CKAP5: variants seen among roughly 807,000 people sequenced by gnomAD.
CKAP5 encodes the protein cytoskeleton associated protein 5, also known as cytoskeleton-associated protein 5.
A neutral mutation model predicts 232.8 loss-of-function variants in CKAP5; 27 were observed. The observed-to-expected ratio is 0.12, with a 90% CI of 0.09 to 0.16. The LOEUF (loss-of-function observed/expected upper bound fraction) is 0.16, where lower values mean the gene tolerates loss of function less well. Among genes scored for constraint, CKAP5 ranks in the 10% least tolerant of loss-of-function variants. CKAP5 has a pLI of 1.00. For synonymous variants in CKAP5, 785 were observed against 841.1 expected, an observed-to-expected ratio of 0.93 and a Z score of 1.16; for missense variants, 1,838 against 2,424.7, an observed-to-expected ratio of 0.76 and a Z score of 5.08.
At chr11:46,831,020 G>A (rs542163118) in intron 1 of CKAP5, among the ~76,000 whole-genome samples, 32 of 152,138 alleles carry the variant, frequency 2.1e-4, no homozygotes, top group Non-Finnish European at 3.5e-4. Context: ...AGCCGAGATC[G>A]CGTCACTGCA....
chr11:46,759,269 T>A lies in CKAP5; in HGVS notation c.4568A>T (p.Lys1523Met). 1 of 1,611,748 alleles carries A rather than the reference T, an allele frequency of 6.2e-7. No homozygotes were observed. The highest frequency in any genetic ancestry group is 8.5e-7 in the Non-Finnish European group (1 of 1,179,044). ...IFEPVLIPEP[K>M]IRAVSPHFDD... ...ATTTAAATGAAAGAGTTTAACTCAC[T>A]TGGGTTCAGGAATAAGGACTGGCTC... The change falls in exon 34 of 44, where the codon AAG (lysine) becomes ATG (methionine). Residue 1523 changes from lysine (K) to methionine (M), a missense_variant and splice_region_variant. Physicochemically the swap from Lys to Met is moderately conservative, Grantham distance 95. This residue lies in a region of CKAP5 where 579 missense variants were observed against 843.2 expected (regional missense o/e 0.69). Coordinates refer to ENST00000529230, the MANE Select transcript of CKAP5 (RefSeq NM_001008938.4).
rs773062389 is a variant in CKAP5, at chr11:46,778,225, T to A, written c.2662A>T (p.Ile888Phe). 1 of 1,613,874 alleles carries A rather than the reference T, an allele frequency of 6.2e-7. No homozygotes were observed. Among genetic ancestry groups the A allele is most frequent in the African/African-American group, 1.3e-5 (1 of 74,926 alleles). The change falls in exon 22 of 44, where the codon ATT becomes TTT. Residue 888 changes from isoleucine (I) to phenylalanine (F), a missense_variant. Coordinates refer to ENST00000529230, the MANE Select transcript of CKAP5 (RefSeq NM_001008938.4). Reference protein sequence around the residue: ...KEGLDEVAGIINDAKFIQPNI... With the variant: ...KEGLDEVAGIFNDAKFIQPNI... The stretch of plus-strand genomic sequence containing the variant: ...GGTTGGATAAATTTTGCGTCATTAA[T>A]AATACCTGCCACTTCATCTAGGCCT...
chr11:46,805,268 A>C (rs1204776719), intron 8 of CKAP5, among the ~76,000 whole-genome samples: 2 of 152,080 alleles, frequency 1.3e-5, no homozygotes, highest in Non-Finnish European at 2.9e-5. Flanking sequence ...ATAATAGAAA[A>C]AAAAGAACTA....
In CKAP5 at chr11:46,749,457, G is replaced by GAAA. The variant is rs951405505; in HGVS notation, c.5704+814_5704+816dup. Among the ~76,000 whole-genome samples the GAAA allele has an allele frequency of 7.5e-4, 57 of 76,450 alleles. 1 individual carries two copies. The highest frequency in any genetic ancestry group is 1.5e-3 in the South Asian group (3 of 2,050). 50.2% of individuals were successfully genotyped at this position (76,450 alleles called of 152,430 possible). The stretch of plus-strand genomic sequence containing the variant: ...GTGACAGGGTGAGACTCCGTCTCAA[G>GAAA]AAAAAAAAAAAAAAAAAAAAAATCT... On this transcript the variant is annotated intron_variant, in intron 42 of 43. Transcript: ENST00000529230.
intron 42 of CKAP5, 64 bp from the exon 43 acceptor site, chr11:46,744,641 G>T: frequency 3.5e-6 from 5 of 1,437,580 alleles, no homozygotes; most frequent in South Asian, 1.3e-5. Flanking sequence ...AAGTGCCTTG[G>T]TTAATCTCCC....
At chr11:46,843,007 G>GGTGT (rs1020946431) in intron 1 of CKAP5, among the ~76,000 whole-genome samples, 1 of 151,378 alleles carries the variant, frequency 6.6e-6, no homozygotes, top group Admixed American at 6.6e-5. Flanking sequence ...AAGGTAGCAG[G>GGTGT]GTGTGGTGGC....
chr11:46,817,796 G>A (rs1036492541), intron 3 of CKAP5, among the ~76,000 whole-genome samples: 1 of 151,974 alleles, frequency 6.6e-6, no homozygotes, highest in African/African-American at 2.4e-5. Context: ...AAGTTAAACT[G>A]GCCAGGAGTC....
Position 46,778,580 on chromosome 11 carries a change from G to C in CKAP5, c.2453C>G (p.Pro818Arg), listed in dbSNP as rs767512390. 6.2e-7 allele frequency: 1 copy of C among 1,613,976 alleles called. No individual in the cohort carries two copies. Among genetic ancestry groups the C allele is most frequent in the South Asian group, 1.1e-5 (1 of 91,080 alleles). The change falls in exon 21 of 44, where the codon CCT (proline) becomes CGT (arginine). Residue 818 changes from proline to arginine, a missense_variant. Around this residue, in one of 6 missense-constraint regions of CKAP5, gnomAD observed 767 missense variants for 954.6 expected, o/e 0.80. Transcript: ENST00000529230. Reference protein sequence around the residue: ...EFEKMQGQSPPAPTRGISKHS... With the variant: ...EFEKMQGQSPRAPTRGISKHS... Reference sequence around the variant, plus strand: ...CTTGGAAATTCCTCTGGTTGGAGCAGGTGGACTTTGTCCCTGCATCTATAC... The same window carrying C: ...CTTGGAAATTCCTCTGGTTGGAGCACGTGGACTTTGTCCCTGCATCTATAC...
At chr11:46,807,285 G>C (rs1448346997) in intron 8 of CKAP5, among the ~76,000 whole-genome samples, 2 of 152,158 alleles carry the variant, frequency 1.3e-5, no homozygotes, top group Non-Finnish European at 2.9e-5. Flanking sequence ...TTTAGTGTTC[G>C]CAGTGGCTTT....
rs111542659 is a variant in CKAP5, at chr11:46,767,475, T to C, written c.3411+100A>G. ...AATTTGATAATATCAACAGCAGTGA[T>C]GTTCTTTTATATATAATATGATCCT... On this transcript the variant is annotated intron_variant, in intron 27 of 43. Coordinates refer to ENST00000529230, the MANE Select transcript of CKAP5 (RefSeq NM_001008938.4). 6.2e-4 allele frequency: 414 copies of C among 667,890 alleles called. No individual in the cohort carries two copies. In the African/African-American group the frequency reaches 7.0e-3, roughly 11 times the overall value. 41.4% of individuals were successfully genotyped at this position (667,890 alleles called of 1,614,324 possible).
Position 46,809,891 on chromosome 11 carries a change from A to G in CKAP5, c.631-17T>C, listed in dbSNP as rs985107811. On this transcript the variant is annotated splice_polypyrimidine_tract_variant and intron_variant, in intron 5 of 43. Coordinates refer to ENST00000529230, the MANE Select transcript of CKAP5 (RefSeq NM_001008938.4). ...TTCTTTCAACTGCAAATGTCATATAATATTTAAATAATATCTGCATCTCCA... is the reference window on the plus strand; with the variant it reads ...TTCTTTCAACTGCAAATGTCATATAGTATTTAAATAATATCTGCATCTCCA... The G allele has an allele frequency of 3.8e-6, 6 of 1,592,360 alleles. No individual in the cohort carries two copies. The highest frequency in any genetic ancestry group is 1.7e-4 in the Middle Eastern group (1 of 6,008).
Position 46,816,472 on chromosome 11 carries a change from G to C in CKAP5, c.252-68C>G, listed in dbSNP as rs545408531. On this transcript the variant is annotated intron_variant, in intron 3 of 43. Transcript: ENST00000529230. ...AGAATTGGAAAAAGGTCACGGAAAG[G>C]GGGTGTACTAGTACTTTTACAAATG... 6.8e-6 allele frequency: 8 copies of C among 1,178,372 alleles called. No individual in the cohort carries two copies. In the East Asian group the frequency reaches 1.9e-4, roughly 28 times the overall value. 73.0% of individuals were successfully genotyped at this position (1,178,372 alleles called of 1,614,324 possible).
At chr11:46,826,582 G>A (rs1467469908) in intron 1 of CKAP5, among the ~76,000 whole-genome samples, 1 of 152,168 alleles carries the variant, frequency 6.6e-6, no homozygotes, top group East Asian at 1.9e-4. Context: ...GCACCCTACG[G>A]CTGCTGTCAC....
At chr11:46,797,709 A>G in intron 11 of CKAP5, 96 bp downstream of exon 11, 1 of 1,233,704 alleles carries the variant, frequency 8.1e-7, no homozygotes, top group Admixed American at 2.3e-5. Context: ...CATAACCTCT[A>G]TAGTCTGAAA....
intron 1 of CKAP5, among the ~76,000 whole-genome samples, chr11:46,831,540 G>GT (rs1238583036): frequency 1.3e-5 from 2 of 151,950 alleles, no homozygotes; most frequent in African/African-American, 2.4e-5. Context: ...TCTGTTTTTT[G>GT]TTTTTTGAGA....
At chr11:46,806,730 T>C (rs1250508113) in intron 8 of CKAP5, among the ~76,000 whole-genome samples, 1 of 152,148 alleles carries the variant, frequency 6.6e-6, no homozygotes, top group Non-Finnish European at 1.5e-5. Flanking sequence ...TATTTGCAAA[T>C]TCACCTACTT....
At chr11:46,830,778 C>G (rs749837478) in intron 1 of CKAP5, among the ~76,000 whole-genome samples, 1 of 152,030 alleles carries the variant, frequency 6.6e-6, no homozygotes. Context: ...AATTATTAAC[C>G]ATGGGCCGGG....
At chr11:46,781,362 C>A (rs1040300107) in intron 18 of CKAP5, among the ~76,000 whole-genome samples, 1 of 152,196 alleles carries the variant, frequency 6.6e-6, no homozygotes, top group Admixed American at 6.5e-5. Flanking sequence ...CCTACTAATT[C>A]GTCTTCCTGT....
intron 9 of CKAP5, among the ~76,000 whole-genome samples, chr11:46,799,428 A>G (rs775619402): frequency 6.6e-5 from 10 of 152,254 alleles, no homozygotes; most frequent in Non-Finnish European, 1.2e-4. Flanking sequence ...AATACTAGTT[A>G]TAAACTTGAA....
Sources: gnomAD v4.1 joint callset for allele counts (sites outside exome capture counted in the v4.1 genomes callset) on GRCh38, gnomAD v4.1.1 for gene constraint, gnomAD v4.1.1 regional missense constraint, MANE v1.5 for transcripts, NCBI Gene and HGNC (gene_info 2026-07-23, HGNC 2026-07-21) for gene names.